Variants in ADAM12 observed in about 807,000 individuals in gnomAD.
The protein encoded by ADAM12 is disintegrin and metalloproteinase domain-containing protein 12.
A neutral mutation model predicts 106.4 loss-of-function variants in ADAM12; 70 were observed. The observed-to-expected ratio is 0.66, with a 90% CI of 0.54 to 0.80. The LOEUF is 0.80. Ranked by LOEUF, ADAM12 falls within the 30% of genes least tolerant of loss-of-function variation. The probability of loss-of-function intolerance (pLI) is 0.00; values close to 1 mark genes in which losing one functional copy is unlikely to be tolerated. For synonymous variants in ADAM12, 420 were observed against 433.5 expected, an observed-to-expected ratio of 0.97 and a Z score of 0.39; for missense variants, 1,010 against 1,171.9, an observed-to-expected ratio of 0.86 and a Z score of 2.02.
intron 3 of ADAM12, among the ~76,000 whole-genome samples, chr10:126,214,278 C>T (rs190158573): frequency 2.0e-4 from 31 of 152,290 alleles, no homozygotes; most frequent in Admixed American, 1.8e-3. Flanking sequence ...CTTCATTAGC[C>T]ACGTGAGTTA....
chr10:126,355,291 T>A (rs546106386), intron 1 of ADAM12, among the ~76,000 whole-genome samples: 1 of 152,288 alleles, frequency 6.6e-6, no homozygotes, highest in Admixed American at 6.5e-5. Context: ...AAGACTAAAT[T>A]CTTCTGACAG....
chr10:126,303,518 G>C (rs185264143), intron 2 of ADAM12, among the ~76,000 whole-genome samples: 2 of 152,314 alleles, frequency 1.3e-5, no homozygotes, highest in East Asian at 3.9e-4. Context: ...GATTCACACA[G>C]AGCATTCAGG....
At chr10:126,263,203 A>C (rs1282582412) in intron 3 of ADAM12, among the ~76,000 whole-genome samples, 1 of 152,216 alleles carries the variant, frequency 6.6e-6, no homozygotes. Context: ...GATCAGTTTA[A>C]GCATTCCTCT....
At chr10:126,227,422 G>A (rs576941106) in intron 3 of ADAM12, among the ~76,000 whole-genome samples, 3 of 152,188 alleles carry the variant, frequency 2.0e-5, no homozygotes, top group Admixed American at 2.0e-4. Flanking sequence ...ACATTGTGAG[G>A]CACTTAGTAT....
chr10:126,017,318 G>T lies in ADAM12; in HGVS notation c.2682C>A (p.His894Gln), dbSNP rs2133369176. Residue 894 changes from histidine (H) to glutamine (Q), a missense_variant, in exon 23 of 23, where the codon CAC (histidine) becomes CAA (glutamine). Physicochemically the swap from His to Gln is conservative, Grantham distance 24. Coordinates refer to ENST00000448723, the MANE Select transcript of ADAM12 (RefSeq NM_001288973.2). ...CGGTGTGGGTGGATCTGGGCACTTG[G>T]TGTGGATATTGTGGAGCAGGTCTGA... The part of the protein sequence containing the change: ...APLRPAPQYP[H>Q]QVPRSTHTAY... 6.3e-7 allele frequency: 1 copy of T among 1,591,084 alleles called. No individual in the cohort carries two copies. The highest frequency in any genetic ancestry group is 8.6e-7 in the Non-Finnish European group (1 of 1,167,632).
chr10:126,047,317 T>C (rs368023430), intron 16 of ADAM12, among the ~76,000 whole-genome samples: 70 of 152,208 alleles, frequency 4.6e-4, no homozygotes, highest in East Asian at 1.7e-3. Flanking sequence ...GGAGAAGCGC[T>C]GGCCCAAGCA....
chr10:126,253,380 C>T (rs752577221), intron 3 of ADAM12, among the ~76,000 whole-genome samples: 1 of 152,236 alleles, frequency 6.6e-6, no homozygotes, highest in Non-Finnish European at 1.5e-5. Flanking sequence ...GTCCTAATGA[C>T]TCATGATGAG....
intron 1 of ADAM12, among the ~76,000 whole-genome samples, chr10:126,379,292 A>T (rs1205132109): frequency 6.6e-6 from 1 of 152,244 alleles, no homozygotes; most frequent in Non-Finnish European, 1.5e-5. Flanking sequence ...GAACCAATCC[A>T]AATGTCCATC....
intron 3 of ADAM12, among the ~76,000 whole-genome samples, chr10:126,234,349 T>G (rs1958373532): frequency 6.6e-6 from 1 of 152,246 alleles, no homozygotes; most frequent in Non-Finnish European, 1.5e-5. Flanking sequence ...CTCATAAGTA[T>G]TCTTTAAGCA....
At chr10:126,213,079 C>G (rs1280017571) in intron 3 of ADAM12, among the ~76,000 whole-genome samples, 1 of 152,118 alleles carries the variant, frequency 6.6e-6, no homozygotes, top group African/African-American at 2.4e-5. Context: ...TTCACAATTT[C>G]TTTCCTGTCG....
intron 3 of ADAM12, among the ~76,000 whole-genome samples, chr10:126,235,648 C>T (rs909527806): frequency 7.2e-5 from 11 of 152,202 alleles, no homozygotes; most frequent in African/African-American, 1.4e-4. Flanking sequence ...CACCAGGATG[C>T]GTGTCTCCTT....
chr10:126,042,195 G>A (rs2133413716), intron 18 of ADAM12: 1 of 1,613,802 alleles, frequency 6.2e-7, no homozygotes, highest in Non-Finnish European at 8.5e-7. Context: ...CCTGGCCCTG[G>A]CCGCGCTCCC....
chr10:126,260,902 A>C (rs1334962304), intron 3 of ADAM12, among the ~76,000 whole-genome samples: 1 of 152,226 alleles, frequency 6.6e-6, no homozygotes, highest in Non-Finnish European at 1.5e-5. Flanking sequence ...GGCCCTCCGC[A>C]TCCTGGGGTT....
At chr10:126,024,256 G>T (rs1209606484) in intron 21 of ADAM12, among the ~76,000 whole-genome samples, 1 of 152,168 alleles carries the variant, frequency 6.6e-6, no homozygotes, top group Non-Finnish European at 1.5e-5. Context: ...TATCTGGAGG[G>T]AGGCTAATGT....
At chr10:126,041,131 T>C (rs572022221) in intron 18 of ADAM12, among the ~76,000 whole-genome samples, 1 of 152,262 alleles carries the variant, frequency 6.6e-6, no homozygotes, top group Admixed American at 6.5e-5. Flanking sequence ...CCTCCCATGA[T>C]GCCCTCTCTC....
At chr10:126,247,416 C>A (rs1330523823) in intron 3 of ADAM12, among the ~76,000 whole-genome samples, 6 of 152,208 alleles carry the variant, frequency 3.9e-5, no homozygotes, top group Non-Finnish European at 8.8e-5. Context: ...AGCAACAGAG[C>A]CACTAACCAA....
At chr10:126,094,517 G>A (rs1322038733) in intron 10 of ADAM12, among the ~76,000 whole-genome samples, 1 of 152,144 alleles carries the variant, frequency 6.6e-6, no homozygotes, top group Non-Finnish European at 1.5e-5. Flanking sequence ...ATGGGCCATA[G>A]AAGTATCATT....
intron 1 of ADAM12, among the ~76,000 whole-genome samples, chr10:126,352,468 T>C (rs547147872): frequency 6.6e-6 from 1 of 152,322 alleles, no homozygotes; most frequent in Non-Finnish European, 1.5e-5. Flanking sequence ...AAAGCAAACC[T>C]GTGTATGGCA....
At chr10:126,248,288 G>C (rs1347448182) in intron 3 of ADAM12, among the ~76,000 whole-genome samples, 1 of 152,170 alleles carries the variant, frequency 6.6e-6, no homozygotes, top group South Asian at 2.1e-4. Flanking sequence ...ACTCGGAAAT[G>C]AGCAAAACTT....
Sources: gnomAD v4.1 joint callset for allele counts (sites outside exome capture counted in the v4.1 genomes callset) on GRCh38, gnomAD v4.1.1 for gene constraint, MANE v1.5 for transcripts, NCBI Gene and HGNC (gene_info 2026-07-23, HGNC 2026-07-21) for gene names.